Variants in MAST4 observed in about 807,000 individuals in gnomAD.
MAST4 encodes the protein microtubule-associated serine/threonine-protein kinase 4.
MAST4 carries 89 observed loss-of-function variants against 162.7 expected under a neutral mutation model. The ratio of observed to expected loss-of-function variants is 0.55; its 90% CI spans 0.46 to 0.65. The LOEUF is 0.65. Among genes scored for constraint, MAST4 ranks in the 30% least tolerant of loss-of-function variants. The probability of loss-of-function intolerance (pLI) is 0.00; values close to 1 mark genes in which losing one functional copy is unlikely to be tolerated. For synonymous variants in MAST4, 1,479 were observed against 1,361.1 expected (o/e 1.09, Z -1.91); for missense variants, 3,153 against 3,374.0 (o/e 0.93, Z 1.62).
At chr5:66,874,115 G>C (rs1169958653) in intron 3 of MAST4, among the ~76,000 whole-genome samples, 1 of 152,130 alleles carries the variant, frequency 6.6e-6, no homozygotes, top group Non-Finnish European at 1.5e-5. Context: ...GATAAGTATT[G>C]TGCCTCTGAT....
At chr5:67,104,924 A>G (rs1321153845) in intron 10 of MAST4, among the ~76,000 whole-genome samples, 2 of 152,206 alleles carry the variant, frequency 1.3e-5, no homozygotes, top group African/African-American at 4.8e-5. Flanking sequence ...TGATGATGCT[A>G]TCTAGTTCTA....
At chr5:66,654,108 C>T (rs1746397157) in intron 1 of MAST4, among the ~76,000 whole-genome samples, 1 of 152,184 alleles carries the variant, frequency 6.6e-6, no homozygotes, top group Non-Finnish European at 1.5e-5. Flanking sequence ...TAAATAAACA[C>T]ATGCTGTGAT....
chr5:66,928,119 C>A (rs1765040210), intron 4 of MAST4, among the ~76,000 whole-genome samples: 1 of 152,178 alleles, frequency 6.6e-6, no homozygotes, highest in African/African-American at 2.4e-5. Flanking sequence ...CAAATAAGGT[C>A]AAATTCAAAG....
rs774187485 is a variant in MAST4, at chr5:66,788,712, C to G, written c.560C>G (p.Pro187Arg). 3 of 1,613,546 alleles carry G rather than the reference C, an allele frequency of 1.9e-6. No individual in the cohort carries two copies. Among genetic ancestry groups the G allele is most frequent in the Non-Finnish European group, 2.5e-6 (3 of 1,179,642 alleles). The change falls in exon 3 of 29, where the codon CCG (proline) becomes CGG (arginine). Residue 187 changes from proline to arginine, a missense_variant. Physicochemically the swap from Pro to Arg is moderately radical, Grantham distance 103. This residue lies in a region of MAST4 where 327 missense variants were observed against 336.5 expected (regional missense o/e 0.97). Coordinates refer to ENST00000403625, the MANE Select transcript of MAST4 (RefSeq NM_001164664.2). ...LPNPVAGQAW[P>R]ASAETSNLVR... The stretch of plus-strand genomic sequence containing the variant: ...AACCCGGTGGCGGGACAGGCCTGGC[C>G]GGCCTCTGCAGAGACGTCCAACCTC...
intron 1 of MAST4, among the ~76,000 whole-genome samples, chr5:66,653,760 A>G (rs1260879648): frequency 6.6e-6 from 1 of 152,128 alleles, no homozygotes; most frequent in African/African-American, 2.4e-5. Context: ...TTCTCCATGT[A>G]TCCTCTGATG....
In MAST4 at chr5:67,160,599, A is replaced by T. The variant is rs778067284; in HGVS notation, c.3785+7A>T. 3.4e-5 allele frequency: 55 copies of T among 1,612,552 alleles called. No homozygotes were observed. Among genetic ancestry groups the T allele is most frequent in the Non-Finnish European group, 4.6e-5 (54 of 1,179,478 alleles). ...AGAAAGAAAGTCTCGAAAGGTTAGT[A>T]AAATCAGTATTCTTTTTAAGTTTGG... On this transcript the variant is annotated splice_region_variant and intron_variant, in intron 27 of 28. Coordinates refer to ENST00000403625, the MANE Select transcript of MAST4 (RefSeq NM_001164664.2).
In MAST4 at chr5:66,741,797, G is replaced by T. The variant is rs143708932; in HGVS notation, c.364-17912G>T. ...TGATACTCATGGTCAGGGGATCGGT[G>T]TGCTTCACCAGCCAGGCCAGTCAGA... is the stretch of plus-strand genomic sequence containing the variant. On this transcript the variant is annotated intron_variant, in intron 1 of 28. Transcript: ENST00000403625. 5.4e-3 allele frequency among the ~76,000 whole-genome samples: 824 copies of T among 152,308 alleles called. 9 individuals are homozygous for T. Among genetic ancestry groups the T allele is most frequent in the African/African-American group, 0.019 (789 of 41,558 alleles).
rs1033140463 is a variant in MAST4 at position 66,982,360 on chromosome 5, T to C, written c.675-72044T>C. 2.6e-5 allele frequency among the ~76,000 whole-genome samples: 4 copies of C among 152,332 alleles called. No homozygotes were observed. In the South Asian group the frequency reaches 8.3e-4, roughly 32 times the overall value. On this transcript the variant is annotated intron_variant, in intron 4 of 28. Coordinates refer to ENST00000403625, the MANE Select transcript of MAST4 (RefSeq NM_001164664.2). Reference sequence around the variant, plus strand: ...ATTTGGTAAAGTGTCTCACTTGGCATGGAGGGTCACTTAGAGATGTAATAT... The same window carrying C: ...ATTTGGTAAAGTGTCTCACTTGGCACGGAGGGTCACTTAGAGATGTAATAT...
chr5:67,043,813 G>A (rs1023796429), intron 4 of MAST4, among the ~76,000 whole-genome samples: 1 of 152,160 alleles, frequency 6.6e-6, no homozygotes, highest in African/African-American at 2.4e-5. Flanking sequence ...TTTGTGTTTT[G>A]TGTATCTTTT....
intron 2 of MAST4, among the ~76,000 whole-genome samples, chr5:66,782,101 C>T (rs1418509282): frequency 6.6e-6 from 1 of 151,804 alleles, no homozygotes. Context: ...CCAGCCTGGC[C>T]GACATGGTGA....
At chr5:67,136,533 A>G (rs373417550) in intron 18 of MAST4, 30 bp from the exon 19 acceptor site, 4 of 1,521,916 alleles carry the variant, frequency 2.6e-6, no homozygotes, top group African/African-American at 2.7e-5. Context: ...TGTGAACAAT[A>G]TGGTTATAAA....
chr5:67,153,525 A>T lies in MAST4; in HGVS notation c.3593A>T (p.Asn1198Ile), dbSNP rs372302691. The T allele has an allele frequency of 6.2e-7, 1 of 1,601,090 alleles. No individual in the cohort carries two copies. The highest frequency in any genetic ancestry group is 8.5e-7 in the Non-Finnish European group (1 of 1,173,336). Residue 1198 changes from asparagine (N) to isoleucine (I), a missense_variant, in exon 26 of 29, where the codon AAT (asparagine) becomes ATT (isoleucine). Physicochemically the swap from Asn to Ile is moderately radical, Grantham distance 149. Transcript: ENST00000403625. ...GCTGGAGATCTTATCACTCACATCAATGGAGAACCAGTGCATGGACTTGTC... is the reference window on the plus strand; with the variant it reads ...GCTGGAGATCTTATCACTCACATCATTGGAGAACCAGTGCATGGACTTGTC... ...LKAGDLITHI[N>I]GEPVHGLVHT...
chr5:66,791,749 G>C (rs1051356427), intron 3 of MAST4, among the ~76,000 whole-genome samples: 9 of 152,128 alleles, frequency 5.9e-5, no homozygotes, highest in Admixed American at 5.9e-4. Context: ...GATAGTGAAG[G>C]TTTAAAATTT....
intron 4 of MAST4, among the ~76,000 whole-genome samples, chr5:66,908,310 T>G (rs1009527690): frequency 6.6e-6 from 1 of 152,186 alleles, no homozygotes; most frequent in Non-Finnish European, 1.5e-5. Context: ...CTTTGAAAAT[T>G]ATATGAAGAC....
intron 3 of MAST4, among the ~76,000 whole-genome samples, chr5:66,874,687 G>C (rs915272410): frequency 6.6e-6 from 1 of 152,130 alleles, no homozygotes; most frequent in African/African-American, 2.4e-5. Context: ...GTTTCGGTCT[G>C]CTGTAGGGCT....
chr5:67,165,472 AGAGT>A lies in MAST4; in HGVS notation c.6297_6300del (p.Ser2099ArgfsTer39). 1 of 1,613,934 alleles carries A rather than the reference AGAGT, an allele frequency of 6.2e-7. No homozygotes were observed. Among genetic ancestry groups the A allele is most frequent in the African/African-American group, 1.3e-5 (1 of 75,046 alleles). On this transcript the variant is annotated frameshift_variant, in exon 29 of 29. Coordinates refer to ENST00000403625, the MANE Select transcript of MAST4 (RefSeq NM_001164664.2). LOFTEE classifies it low-confidence loss of function (END_TRUNC). ...CGGTCTCTGCAGCCACCTGGAATTG[AGAGT>A]GAGAAGAGTGAAAAGCTCTCCAGTT...
intron 1 of MAST4, among the ~76,000 whole-genome samples, chr5:66,617,187 GC>G: frequency 6.6e-6 from 1 of 152,288 alleles, no homozygotes; most frequent in South Asian, 2.1e-4. Context: ...GTTTTCTGAT[GC>G]CATTAATGAG....
intron 5 of MAST4, among the ~76,000 whole-genome samples, chr5:67,084,707 A>T (rs909008416): frequency 6.6e-6 from 1 of 152,162 alleles, no homozygotes; most frequent in Non-Finnish European, 1.5e-5. Flanking sequence ...AGTTTTACTT[A>T]TCGGGACAGG....
chr5:66,746,728 A>C (rs1021264616), intron 1 of MAST4, among the ~76,000 whole-genome samples: 5 of 152,324 alleles, frequency 3.3e-5, no homozygotes, highest in South Asian at 2.1e-4. Context: ...GACTTCAGAT[A>C]GGTAAACAAC....
Sources: gnomAD v4.1 joint callset for allele counts (sites outside exome capture counted in the v4.1 genomes callset) on GRCh38, gnomAD v4.1.1 for gene constraint, gnomAD v4.1.1 regional missense constraint, MANE v1.5 for transcripts, NCBI Gene and HGNC (gene_info 2026-07-23, HGNC 2026-07-21) for gene names.